ATP9A: variants seen among roughly 807,000 people sequenced by gnomAD.
The protein encoded by ATP9A is ATPase phospholipid transporting 9A.
ATP9A carries 52 observed loss-of-function variants against 144.1 expected under a neutral mutation model. The observed-to-expected ratio is 0.36, with a 90% CI of 0.29 to 0.45. The LOEUF is 0.45. Among genes scored for constraint, ATP9A ranks in the 20% least tolerant of loss-of-function variants. The probability of loss-of-function intolerance (pLI) is 1.00; values close to 1 mark genes in which losing one functional copy is unlikely to be tolerated. For missense variants in ATP9A, 947 were observed against 1,392.7 expected, an observed-to-expected ratio of 0.68 and a Z score of 5.09; for synonymous variants, 582 against 557.4, an observed-to-expected ratio of 1.04 and a Z score of -0.62.
rs1568807178 is a variant in ATP9A, at chr20:51,658,893, G to GGCGGA, written c.1294-1744_1294-1743insTCCGC. Among the ~76,000 whole-genome samples the GGCGGA allele has an allele frequency of 1.4e-4, 17 of 119,674 alleles. 3 individuals carry two copies. The highest frequency in any genetic ancestry group is 7.0e-5 in the Non-Finnish European group (4 of 57,064). 78.5% of individuals were successfully genotyped at this position (119,674 alleles called of 152,430 possible). ...ATGAAAATTAAGACCACTGGCGGGG[G>GGCGGA]GGGGGGGGGGAAGGCTCATTGTTGA... On this transcript the variant is annotated intron_variant, in intron 13 of 27. Transcript: ENST00000338821.
intron 13 of ATP9A, among the ~76,000 whole-genome samples, chr20:51,667,381 A>T (rs531148146): frequency 2.2e-4 from 34 of 152,332 alleles, no homozygotes; most frequent in Admixed American, 1.9e-3. Flanking sequence ...AAGAGTCAAC[A>T]CGACTGAGAA....
chr20:51,618,999 G>A lies in ATP9A; in HGVS notation c.2160C>T (p.Arg720=). Residue 720 remains arginine, a synonymous_variant, in exon 20 of 28, where the codon CGC becomes CGT. Transcript: ENST00000338821. The part of the protein sequence containing the change: ...GEAHLELNAF[R]RKHDCALVIS... ...TGACCAGGGCACAATCATGCTTCCTGCGGAAGGCGTTCAGCTCGAGGTGAG... is the reference window on the plus strand; with the variant it reads ...TGACCAGGGCACAATCATGCTTCCTACGGAAGGCGTTCAGCTCGAGGTGAG... 1 of 1,614,178 alleles carries A rather than the reference G, an allele frequency of 6.2e-7. No individual in the cohort carries two copies. Among genetic ancestry groups the A allele is most frequent in the Non-Finnish European group, 8.5e-7 (1 of 1,180,022 alleles).
intron 13 of ATP9A, among the ~76,000 whole-genome samples, chr20:51,666,762 C>T (rs925606584): frequency 4.2e-4 from 64 of 151,752 alleles, no homozygotes; most frequent in African/African-American, 1.5e-3. Context: ...AGGTGGGAGG[C>T]GTGACTGCAG....
intron 22 of ATP9A, 84 bp from the exon 23 acceptor site, chr20:51,613,916 T>C: frequency 1.4e-6 from 2 of 1,389,626 alleles, no homozygotes; most frequent in Non-Finnish European, 1.9e-6. Context: ...AGCAAGACAT[T>C]GTAGGAAATC....
At position 51,629,115 on chromosome 20, in the gene ATP9A, C is replaced by T. The variant is rs1283326099; in HGVS notation, c.1669-43G>A. ...AAGGAATGAGAAACTGAAAGGAACACCCTCTTTCAGCGGCAAAGCCCGCTT... is the reference window on the plus strand; with the variant it reads ...AAGGAATGAGAAACTGAAAGGAACATCCTCTTTCAGCGGCAAAGCCCGCTT... On this transcript the variant is annotated intron_variant, in intron 15 of 27. Transcript: ENST00000338821. 2.0e-6 allele frequency: 3 copies of T among 1,514,248 alleles called. No individual in the cohort carries two copies. In the African/African-American group the frequency reaches 4.1e-5, roughly 21 times the overall value. The allele number at this position is 1,514,248 out of a possible 1,614,324, so 93.8% of individuals were successfully genotyped here.
chr20:51,654,862 C>T (rs926967211), intron 14 of ATP9A, among the ~76,000 whole-genome samples: 4 of 152,192 alleles, frequency 2.6e-5, no homozygotes, highest in African/African-American at 9.7e-5. Flanking sequence ...GCATAAGTAA[C>T]TGCCCAAGTG....
chr20:51,665,539 T>C (rs1453695046), intron 13 of ATP9A, among the ~76,000 whole-genome samples: 4 of 151,726 alleles, frequency 2.6e-5, no homozygotes, highest in Non-Finnish European at 5.9e-5. Context: ...GCCAACATGG[T>C]GAAACCCCGT....
chr20:51,766,162 GT>G (rs1240439197), intron 1 of ATP9A, among the ~76,000 whole-genome samples: 2 of 152,142 alleles, frequency 1.3e-5, no homozygotes, highest in African/African-American at 4.8e-5. Flanking sequence ...TGACTCAAAA[GT>G]TCTCAACTCT....
intron 9 of ATP9A, among the ~76,000 whole-genome samples, chr20:51,683,697 T>C (rs539150726): frequency 8.5e-5 from 13 of 152,224 alleles, no homozygotes; most frequent in African/African-American, 3.1e-4. Flanking sequence ...ATTACAGGTG[T>C]GAGCTACTGC....
At chr20:51,651,242 T>C (rs1476206329) in intron 14 of ATP9A, among the ~76,000 whole-genome samples, 1 of 126,408 alleles carries the variant, frequency 7.9e-6, no homozygotes, top group Non-Finnish European at 1.7e-5. Context: ...ATTTACATAA[T>C]ATATATTTAC....
intron 1 of ATP9A, among the ~76,000 whole-genome samples, chr20:51,751,785 T>A (rs1396965904): frequency 6.6e-6 from 1 of 152,092 alleles, no homozygotes; most frequent in Admixed American, 6.5e-5. Context: ...AGACGGGGTT[T>A]CACCGTGTTA....
rs182718325 is a variant in ATP9A at position 51,643,084 on chromosome 20, C to G, written c.1507-3580G>C. ...TCCTTAGTCTACTATGCTCAGATAT[C>G]GAGTTCAGTTTCTGTTGCTTCTATT... On this transcript the variant is annotated intron_variant, in intron 14 of 27. Transcript: ENST00000338821. 4.8e-3 allele frequency among the ~76,000 whole-genome samples: 737 copies of G among 152,254 alleles called. 8 individuals carry two copies. The highest frequency in any genetic ancestry group is 4.8e-3 in the Non-Finnish European group (329 of 68,030).
At chr20:51,683,682 C>T (rs185457422) in intron 9 of ATP9A, among the ~76,000 whole-genome samples, 1 of 152,200 alleles carries the variant, frequency 6.6e-6, no homozygotes. Flanking sequence ...TCCCAAAGTG[C>T]TAGGATTACA....
In ATP9A at chr20:51,736,522, T is replaced by TG. The variant is rs1191987339; in HGVS notation, c.69-6545_69-6544insC. ...TTTTTTTGTCTTTTGTTTTTGTTTT[T>TG]TTTTCCTTTTTCTGGAGAACGAGGT... On this transcript the variant is annotated intron_variant, in intron 1 of 27. Transcript: ENST00000338821. Among the ~76,000 whole-genome samples the TG allele has an allele frequency of 2.6e-5, 4 of 151,204 alleles. No individual in the cohort carries two copies. In the East Asian group the frequency reaches 7.8e-4, roughly 29 times the overall value.
chr20:51,717,829 C>T (rs1157251825), intron 3 of ATP9A, among the ~76,000 whole-genome samples: 2 of 151,992 alleles, frequency 1.3e-5, no homozygotes, highest in Non-Finnish European at 2.9e-5. Flanking sequence ...TGGCGCATGC[C>T]TGTAATCTCA....
chr20:51,677,507 T>C (rs769016532), intron 9 of ATP9A, among the ~76,000 whole-genome samples: 13 of 152,180 alleles, frequency 8.5e-5, no homozygotes, highest in Admixed American at 5.9e-4. Flanking sequence ...CGGCTTCTAA[T>C]GGAAGGTGAC....
intron 9 of ATP9A, among the ~76,000 whole-genome samples, chr20:51,676,917 CTTTTTTT>C (rs34062000): frequency 6.4e-4 from 44 of 68,424 alleles, no homozygotes; most frequent in African/African-American, 2.3e-3. Flanking sequence ...CGCCCAGTCT[CTTTTTTT>C]TTTTTTTTTT....
At chr20:51,676,046 G>A (rs1188334453) in intron 10 of ATP9A, 86 bp downstream of exon 10, 2 of 959,170 alleles carry the variant, frequency 2.1e-6, no homozygotes, top group African/African-American at 3.3e-5. Flanking sequence ...TCACTCTTAG[G>A]TGTTCCTATT....
chr20:51,758,937 A>G (rs111425201), intron 1 of ATP9A, among the ~76,000 whole-genome samples: 330 of 152,226 alleles, frequency 2.2e-3, no homozygotes, highest in African/African-American at 7.7e-3. Context: ...AAAAGAAAAG[A>G]AAGAGCCCGT....
Sources: gnomAD v4.1 joint callset for allele counts (sites outside exome capture counted in the v4.1 genomes callset) on GRCh38, gnomAD v4.1.1 for gene constraint, MANE v1.5 for transcripts, NCBI Gene and HGNC (gene_info 2026-07-23, HGNC 2026-07-21) for gene names.